PHLPP1: variants seen among roughly 807,000 people sequenced by gnomAD.
PHLPP1 encodes PH domain leucine-rich repeat-containing protein phosphatase 1.
Under a neutral mutation model 117.2 loss-of-function variants are expected in PHLPP1, and 42 were observed. That is an observed-to-expected ratio of 0.36 (90% confidence interval 0.28 to 0.46). The LOEUF is 0.46. PHLPP1 is among the 20% of genes least tolerant of loss of function. The probability of loss-of-function intolerance (pLI) is 1.00; values close to 1 mark genes in which losing one functional copy is unlikely to be tolerated. For missense variants in PHLPP1, 2,084 were observed against 2,241.9 expected, an observed-to-expected ratio of 0.93 and a Z score of 1.42; for synonymous variants, 1,042 against 970.7, an observed-to-expected ratio of 1.07 and a Z score of -1.37.
At chr18:62,886,256 C>T (rs193270021) in intron 4 of PHLPP1, among the ~76,000 whole-genome samples, 1 of 152,286 alleles carries the variant, frequency 6.6e-6, no homozygotes, top group Admixed American at 6.5e-5. Context: ...CCACCCTTGG[C>T]AAACAGTCAT....
chr18:62,914,917 C>T lies in PHLPP1; in HGVS notation c.2713C>T (p.Arg905Cys), dbSNP rs780582578. 23 of 1,611,920 alleles carry T rather than the reference C, an allele frequency of 1.4e-5. No individual in the cohort carries two copies. Among genetic ancestry groups the T allele is most frequent in the African/African-American group, 4.0e-5 (3 of 74,826 alleles). Residue 905 changes from arginine to cysteine, a missense_variant, in exon 9 of 17, where the codon CGC becomes TGC. Physicochemically the swap from Arg to Cys is radical, Grantham distance 180 (BLOSUM62 -3). Around this residue, in one of 2 missense-constraint regions of PHLPP1, gnomAD observed 1,365 missense variants for 1,605.9 expected, o/e 0.85. Coordinates refer to ENST00000262719, the MANE Select transcript of PHLPP1 (RefSeq NM_194449.4). ...YLSYMDVSRN[R>C]LENVPEWVCE... ...CTTTTATGTTCTTGCATTTAGGAAC[C>T]GCTTAGAAAATGTGCCTGAGTGGGT...
At chr18:62,828,872 T>A (rs995517370) in intron 1 of PHLPP1, among the ~76,000 whole-genome samples, 1 of 152,226 alleles carries the variant, frequency 6.6e-6, no homozygotes, top group African/African-American at 2.4e-5. Flanking sequence ...TATCTCTTAT[T>A]AACTTATCTC....
chr18:62,916,263 A>T (rs1349976507), intron 9 of PHLPP1, among the ~76,000 whole-genome samples: 1 of 152,010 alleles, frequency 6.6e-6, no homozygotes, highest in African/African-American at 2.4e-5. Flanking sequence ...AATAGTGTAC[A>T]TTAATTACAT....
chr18:62,865,428 T>C (rs1482199514), intron 4 of PHLPP1, among the ~76,000 whole-genome samples: 1 of 152,222 alleles, frequency 6.6e-6, no homozygotes, highest in Non-Finnish European at 1.5e-5. Flanking sequence ...TCATTTTGTT[T>C]GTTTGTTTCT....
At chr18:62,963,311 C>A in intron 13 of PHLPP1, 57 bp from the exon 14 acceptor site, 1 of 1,132,072 alleles carries the variant, frequency 8.8e-7, no homozygotes, top group Non-Finnish European at 1.3e-6. Flanking sequence ...ATAAAGGTAG[C>A]AATTTGCACA....
chr18:62,942,581 C>A (rs1910160085), intron 11 of PHLPP1, among the ~76,000 whole-genome samples: 1 of 152,086 alleles, frequency 6.6e-6, no homozygotes, highest in African/African-American at 2.4e-5. Context: ...ACTTTAATTT[C>A]TAATTTTCGG....
At chr18:62,810,721 G>T (rs1269135141) in intron 1 of PHLPP1, among the ~76,000 whole-genome samples, 3 of 152,012 alleles carry the variant, frequency 2.0e-5, no homozygotes, top group Admixed American at 2.0e-4. Context: ...TGGATAAGGG[G>T]GACTACTGTA....
chr18:62,903,758 A>G (rs1916781882), intron 7 of PHLPP1, among the ~76,000 whole-genome samples: 1 of 150,526 alleles, frequency 6.6e-6, no homozygotes, highest in Admixed American at 6.6e-5. Context: ...TGACAGAGCG[A>G]GACCCTGTCT....
chr18:62,812,187 G>T (rs538353135), intron 1 of PHLPP1, among the ~76,000 whole-genome samples: 3 of 152,236 alleles, frequency 2.0e-5, no homozygotes, highest in African/African-American at 7.2e-5. Flanking sequence ...AATATAGTTC[G>T]TTTTTTCACC....
At chr18:62,799,602 AG>A (rs1011360887) in intron 1 of PHLPP1, among the ~76,000 whole-genome samples, 4 of 152,230 alleles carry the variant, frequency 2.6e-5, no homozygotes, top group Non-Finnish European at 1.5e-5. Flanking sequence ...CACAGTGTGC[AG>A]GTTCCCCGGA....
intron 1 of PHLPP1, among the ~76,000 whole-genome samples, chr18:62,765,382 A>G (rs1912435994): frequency 6.6e-6 from 1 of 152,226 alleles, no homozygotes; most frequent in Non-Finnish European, 1.5e-5. Context: ...GGGCGCTGGC[A>G]TAATAGGAGG....
In PHLPP1 at chr18:62,715,565, A is replaced by G. The variant is rs904589382; in HGVS notation, c.-119A>G. 6.7e-5 allele frequency: 35 copies of G among 524,098 alleles called. No individual in the cohort carries two copies. The highest frequency in any genetic ancestry group is 1.0e-4 in the Non-Finnish European group (34 of 340,900). The allele number at this position is 524,098 out of a possible 1,614,324, so 32.5% of individuals were successfully genotyped here. On this transcript the variant is annotated 5_prime_UTR_variant, in exon 1 of 17. Transcript: ENST00000262719. ...ACATAATCCCCTGGAACGGCCGCGC[A>G]CAACGCCATTGGCTTCTCCCTTCTC...
intron 1 of PHLPP1, among the ~76,000 whole-genome samples, chr18:62,773,610 TTC>T (rs1470907770): frequency 6.6e-6 from 1 of 152,146 alleles, no homozygotes; most frequent in African/African-American, 2.4e-5. Context: ...GGGGGATGGG[TTC>T]TGTTTGTTTG....
At chr18:62,837,854 G>C (rs1914950027) in intron 2 of PHLPP1, 1 of 151,828 alleles carries the variant, frequency 6.6e-6, no homozygotes, top group Non-Finnish European at 1.5e-5. Flanking sequence ...TTTTAGTAGA[G>C]AGGGGTTTTA....
intron 1 of PHLPP1, among the ~76,000 whole-genome samples, chr18:62,805,779 A>G (rs963191316): frequency 1.3e-5 from 2 of 151,624 alleles, no homozygotes; most frequent in African/African-American, 4.8e-5. Context: ...AACCTTGCCT[A>G]TGTTAAGGTC....
intron 1 of PHLPP1, among the ~76,000 whole-genome samples, chr18:62,822,588 A>G (rs1024385873): frequency 3.3e-5 from 5 of 152,104 alleles, no homozygotes; most frequent in South Asian, 4.2e-4. Context: ...CTGGCCGCCA[A>G]TAGTGTTTTA....
At chr18:62,801,026 TCC>T (rs1913764052) in intron 1 of PHLPP1, among the ~76,000 whole-genome samples, 3 of 14,426 alleles carry the variant, frequency 2.1e-4, no homozygotes, top group African/African-American at 6.0e-4. Flanking sequence ...CCTCCCTCCC[TCC>T]CTCCCTCCCT....
chr18:62,955,430 A>T (rs957120333), intron 12 of PHLPP1, among the ~76,000 whole-genome samples: 1 of 152,208 alleles, frequency 6.6e-6, no homozygotes, highest in African/African-American at 2.4e-5. Context: ...CATTGAGGGA[A>T]GCAAGACCAA....
chr18:62,801,545 C>T (rs1173290000), intron 1 of PHLPP1, among the ~76,000 whole-genome samples: 3 of 151,744 alleles, frequency 2.0e-5, no homozygotes, highest in East Asian at 2.0e-4. Context: ...CTCTGCCTCC[C>T]GGATTCAAGT....
Sources: gnomAD v4.1 joint callset for allele counts (sites outside exome capture counted in the v4.1 genomes callset) on GRCh38, gnomAD v4.1.1 for gene constraint, gnomAD v4.1.1 regional missense constraint, MANE v1.5 for transcripts, NCBI Gene and HGNC (gene_info 2026-07-23, HGNC 2026-07-21) for gene names.